Variants in ARHGEF12 observed in about 807,000 individuals in gnomAD.
The protein encoded by ARHGEF12 is Rho guanine nucleotide exchange factor 12, also known as KMT2A/ARHGEF12 fusion protein.
In ARHGEF12, 66 loss-of-function variants were observed where a neutral mutation model predicts 211.2. That is an observed-to-expected ratio of 0.31 (90% CI 0.26 to 0.38). The LOEUF (loss-of-function observed/expected upper bound fraction) is 0.38, where lower values mean the gene tolerates loss of function less well. Among genes scored for constraint, ARHGEF12 ranks in the 10% least tolerant of loss-of-function variants. The probability of loss-of-function intolerance (pLI) is 1.00; values close to 1 mark genes in which losing one functional copy is unlikely to be tolerated. For missense variants in ARHGEF12, 1,429 were observed against 1,869.5 expected, an observed-to-expected ratio of 0.76 and a Z score of 4.34; for synonymous variants, 592 against 638.4, an observed-to-expected ratio of 0.93 and a Z score of 1.09.
chr11:120,396,712 C>G (rs1254189614), intron 1 of ARHGEF12, among the ~76,000 whole-genome samples: 1 of 152,090 alleles, frequency 6.6e-6, no homozygotes, highest in East Asian at 1.9e-4. Context: ...AGTCACTCAG[C>G]TCTTAGAAGA....
Position 120,474,596 on chromosome 11 carries a change from G to A in ARHGEF12, c.3070G>A (p.Gly1024Arg), listed in dbSNP as rs2135972493. 1 of 1,612,194 alleles carries A rather than the reference G, an allele frequency of 6.2e-7. No individual in the cohort carries two copies. The highest frequency in any genetic ancestry group is 8.5e-7 in the Non-Finnish European group (1 of 1,179,520). ...AACAAAAAGGAAGATGATTCATGAA[G>A]GGCCATTGGTTTGGAAGGTGAATAG... Reference protein sequence around the residue: ...DLTKRKMIHEGPLVWKVNRDK... With the variant: ...DLTKRKMIHERPLVWKVNRDK... Residue 1024 changes from glycine (G) to arginine (R), a missense_variant, in exon 32 of 41, where the codon GGG becomes AGG. This residue lies in a region of ARHGEF12 where 223 missense variants were observed against 444.6 expected (regional missense o/e 0.50). Transcript: ENST00000397843.
At chr11:120,343,468 C>T (rs1472177880) in intron 1 of ARHGEF12, among the ~76,000 whole-genome samples, 2 of 152,228 alleles carry the variant, frequency 1.3e-5, no homozygotes, top group African/African-American at 2.4e-5. Flanking sequence ...TGGTCAGAGG[C>T]TGTGCCTAAA....
chr11:120,489,362 A>G lies in ARHGEF12; in HGVS notation c.*4285A>G. The G allele has an allele frequency of 8.9e-6, 2 of 224,812 alleles. No individual in the cohort carries two copies. The highest frequency in any genetic ancestry group is 1.8e-5 in the Non-Finnish European group (2 of 112,774). The allele number at this position is 224,812 out of a possible 1,614,324, so 13.9% of individuals were successfully genotyped here. ...AATTGTGGTGAAATATATATATAACAAAATTTGCTATTGTAACTATTTTTA... is the reference window on the plus strand; with the variant it reads ...AATTGTGGTGAAATATATATATAACGAAATTTGCTATTGTAACTATTTTTA... On this transcript the variant is annotated 3_prime_UTR_variant, in exon 41 of 41. Coordinates refer to ENST00000397843, the MANE Select transcript of ARHGEF12 (RefSeq NM_015313.3).
chr11:120,444,416 A>G (rs1480859281), intron 15 of ARHGEF12, among the ~76,000 whole-genome samples: 1 of 152,194 alleles, frequency 6.6e-6, no homozygotes, highest in Admixed American at 6.5e-5. Flanking sequence ...TTTATTTCAT[A>G]TATACACCAT....
At chr11:120,405,541 G>A (rs963190089) in intron 1 of ARHGEF12, among the ~76,000 whole-genome samples, 1 of 152,002 alleles carries the variant, frequency 6.6e-6, no homozygotes, top group Non-Finnish European at 1.5e-5. Context: ...TTTTTTTCTA[G>A]ATAATCTGTT....
intron 4 of ARHGEF12, among the ~76,000 whole-genome samples, chr11:120,419,623 CTG>C (rs1231522371): frequency 6.6e-6 from 1 of 151,682 alleles, no homozygotes; most frequent in Non-Finnish European, 1.5e-5. Flanking sequence ...TGTATATACA[CTG>C]TGTGTATATA....
At position 120,457,760 on chromosome 11, in the gene ARHGEF12, A is replaced by AT. The variant is rs1328305136; in HGVS notation, c.2225+4_2225+5insT. ...GGACACCAAAGCCCTTTCGAAAGTA[A>AT]GTAAATCTTAAGCAGCTTTCAATAA... On this transcript the variant is annotated splice_donor_region_variant and intron_variant, in intron 24 of 40. Transcript: ENST00000397843. The AT allele has an allele frequency of 6.2e-6, 10 of 1,608,536 alleles. No individual in the cohort carries two copies. Among genetic ancestry groups the AT allele is most frequent in the Non-Finnish European group, 7.6e-6 (9 of 1,177,600 alleles).
At chr11:120,349,247 A>G (rs1942860718) in intron 1 of ARHGEF12, among the ~76,000 whole-genome samples, 1 of 152,236 alleles carries the variant, frequency 6.6e-6, no homozygotes, top group Admixed American at 6.5e-5. Context: ...GCTTCTCACC[A>G]TACAATTATA....
intron 28 of ARHGEF12, 33 bp from the exon 29 acceptor site, chr11:120,467,161 A>G (rs766506905): frequency 2.9e-6 from 4 of 1,364,780 alleles, no homozygotes; most frequent in Non-Finnish European, 3.1e-6. Context: ...TCAAATAAGA[A>G]TTACAGATTC....
Position 120,438,709 on chromosome 11 carries a change from A to G in ARHGEF12, c.999+1327A>G, listed in dbSNP as rs544934095. Reference sequence around the variant, plus strand: ...TGCTGAACTCCATCCAGATCTTGCAATGTTAAACTGCTGTTAGATTTAAGC... The same window carrying G: ...TGCTGAACTCCATCCAGATCTTGCAGTGTTAAACTGCTGTTAGATTTAAGC... On this transcript the variant is annotated intron_variant, in intron 12 of 40. Coordinates refer to ENST00000397843, the MANE Select transcript of ARHGEF12 (RefSeq NM_015313.3). 13 of 152,328 alleles carry G rather than the reference A, an allele frequency of 8.5e-5. No homozygotes were observed. The South Asian group carries it at 1.7e-3, about 19-fold the overall frequency. The allele number at this position is 152,328 out of a possible 1,614,324, so 9.4% of individuals were successfully genotyped here.
intron 7 of ARHGEF12, among the ~76,000 whole-genome samples, chr11:120,425,073 C>G (rs1006288007): frequency 6.6e-6 from 1 of 152,144 alleles, no homozygotes; most frequent in Non-Finnish European, 1.5e-5. Flanking sequence ...CCGTCACTTG[C>G]AGGGTCAAAG....
chr11:120,447,902 A>G lies in ARHGEF12; in HGVS notation c.1618A>G (p.Lys540Glu), dbSNP rs1158596517. ...LMTAQAVEED[K>E]SSTMQYVILM... is the part of the protein sequence containing the mutation. ...GACTGCTCAGGCTGTAGAGGAAGAT[A>G]AGAGGTAACATAACTGTTTTTTTTC... The change falls in exon 19 of 41, where the codon AAG becomes GAG. Residue 540 changes from lysine (K) to glutamate (E), a missense_variant. Coordinates refer to ENST00000397843, the MANE Select transcript of ARHGEF12 (RefSeq NM_015313.3). The G allele has an allele frequency of 6.4e-7, 1 of 1,568,006 alleles. No homozygotes were observed. The highest frequency in any genetic ancestry group is 8.6e-7 in the Non-Finnish European group (1 of 1,163,404).
chr11:120,397,242 C>G (rs1944419040), intron 1 of ARHGEF12, among the ~76,000 whole-genome samples: 1 of 152,212 alleles, frequency 6.6e-6, no homozygotes, highest in South Asian at 2.1e-4. Flanking sequence ...TACCCTGGCC[C>G]TTTGTCTTAC....
intron 1 of ARHGEF12, among the ~76,000 whole-genome samples, chr11:120,373,827 G>A (rs1479885407): frequency 1.3e-5 from 2 of 152,118 alleles, no homozygotes; most frequent in African/African-American, 2.4e-5. Context: ...TTGTTTTTGA[G>A]ACGGAGTTTC....
chr11:120,485,816 G>A lies in ARHGEF12; in HGVS notation c.*739G>A, dbSNP rs1947382564. 3 of 233,368 alleles carry A rather than the reference G, an allele frequency of 1.3e-5. No individual in the cohort carries two copies. In the Middle Eastern group the frequency reaches 3.8e-3, roughly 297 times the overall value. 14.5% of individuals were successfully genotyped at this position (233,368 alleles called of 1,614,324 possible). On this transcript the variant is annotated 3_prime_UTR_variant, in exon 41 of 41. Coordinates refer to ENST00000397843, the MANE Select transcript of ARHGEF12 (RefSeq NM_015313.3). ...AGCTGGGATCAACCACAATTAATAG[G>A]AATCCTCAACATACTAAATAGCAGG...
chr11:120,362,012 T>G (rs1943291246), intron 1 of ARHGEF12, among the ~76,000 whole-genome samples: 1 of 152,198 alleles, frequency 6.6e-6, no homozygotes, highest in African/African-American at 2.4e-5. Context: ...AAATAAATGG[T>G]TTTGAACTGT....
chr11:120,445,530 T>C, intron 16 of ARHGEF12, 66 bp downstream of exon 16: 2 of 1,502,152 alleles, frequency 1.3e-6, no homozygotes. Flanking sequence ...AGCTCATCTG[T>C]TCAGGTTTTA....
chr11:120,388,426 G>C (rs1181475834), intron 1 of ARHGEF12, among the ~76,000 whole-genome samples: 1 of 152,164 alleles, frequency 6.6e-6, no homozygotes, highest in African/African-American at 2.4e-5. Context: ...GTTTGCTTTG[G>C]ACATTCATGT....
rs117475013 is a variant in ARHGEF12 at position 120,405,449 on chromosome 11, C to G, written c.33-669C>G. Among the ~76,000 whole-genome samples, 3 of 152,254 alleles carry G rather than the reference C, an allele frequency of 2.0e-5. No homozygotes were observed. The East Asian group carries it at 5.8e-4, about 29-fold the overall frequency. ...GTTCTTTCAGCTTATAGGACCCCCC[C>G]AGAAAAACAAAACAGGAAAGTGCCC... is the stretch of plus-strand genomic sequence containing the variant. On this transcript the variant is annotated intron_variant, in intron 1 of 40. Coordinates refer to ENST00000397843, the MANE Select transcript of ARHGEF12 (RefSeq NM_015313.3).
Sources: allele counts gnomAD v4.1 joint callset (sites outside exome capture counted in the v4.1 genomes callset), GRCh38; gene constraint gnomAD v4.1.1; regional missense constraint gnomAD v4.1.1; transcripts MANE v1.5; gene names NCBI Gene and HGNC (gene_info 2026-07-23, HGNC 2026-07-21).